The following RTN4R variants were observed in gnomAD, a reference collection of about 807,000 sequenced individuals.
The protein encoded by RTN4R is reticulon 4 receptor.
A neutral mutation model predicts 27.7 loss-of-function variants in RTN4R; 4 were observed. That is an observed-to-expected ratio of 0.14 (90% CI 0.07 to 0.33). RTN4R has a LOEUF of 0.33. RTN4R is among the 10% of genes least tolerant of loss of function. The pLI is 1.00. For missense variants in RTN4R, 554 were observed against 671.5 expected, an observed-to-expected ratio of 0.83 and a Z score of 1.93; for synonymous variants, 290 against 305.6, an observed-to-expected ratio of 0.95 and a Z score of 0.53.
intron 1 of RTN4R, among the ~76,000 whole-genome samples, chr22:20,264,418 C>T (rs543081165): frequency 1.3e-5 from 2 of 152,278 alleles, no homozygotes; most frequent in South Asian, 2.1e-4. Flanking sequence ...TGGGGTGGGG[C>T]AGCATGCCCG....
At position 20,241,436 on chromosome 22, in the gene RTN4R, C is replaced by T. The variant is rs2051104681; in HGVS notation, c.*275G>A. Reference sequence around the variant, plus strand: ...CAGCTTAAGAAAAGAGCTCTTTATTCCACGTCGTCCGATATTTTTACACAA... The same window carrying T: ...CAGCTTAAGAAAAGAGCTCTTTATTTCACGTCGTCCGATATTTTTACACAA... On this transcript the variant is annotated 3_prime_UTR_variant, in exon 2 of 2. Coordinates refer to ENST00000043402, the MANE Select transcript of RTN4R (RefSeq NM_023004.6). 1.9e-6 allele frequency: 1 copy of T among 524,432 alleles called. No individual in the cohort carries two copies. Among genetic ancestry groups the T allele is most frequent in the Non-Finnish European group, 3.4e-6 (1 of 293,280 alleles). 32.5% of individuals were successfully genotyped at this position (524,432 alleles called of 1,614,324 possible). A position where few individuals can be genotyped will look rare whatever the true frequency, so the allele number is the denominator to read the frequency against.
At chr22:20,249,220 C>G (rs2051160709) in intron 1 of RTN4R, 1 of 533,676 alleles carries the variant, frequency 1.9e-6, no homozygotes, top group Non-Finnish European at 3.8e-6. Context: ...CACTAATGAG[C>G]AAGTGACCGG....
intron 1 of RTN4R, chr22:20,249,274 C>G (rs1404954967): frequency 3.8e-6 from 2 of 519,792 alleles, no homozygotes; most frequent in African/African-American, 3.9e-5. Flanking sequence ...TGAGCCAGGT[C>G]TGGGCCCAGC....
chr22:20,245,222 G>A (rs2051133133), intron 1 of RTN4R, among the ~76,000 whole-genome samples: 1 of 152,174 alleles, frequency 6.6e-6, no homozygotes, highest in East Asian at 1.9e-4. Context: ...AGTGGGTATT[G>A]GGCGCAAAGA....
At position 20,268,181 on chromosome 22, in the gene RTN4R, C is replaced by T; in HGVS notation, c.-89G>A. The stretch of plus-strand genomic sequence containing the variant: ...CGCGGCCGGGTCCGCATCCAGGCGC[C>T]GCCGCTACGGCCCGGCCCCGGCCCG... On this transcript the variant is annotated 5_prime_UTR_variant, in exon 1 of 2. Coordinates refer to ENST00000043402, the MANE Select transcript of RTN4R (RefSeq NM_023004.6). The T allele has an allele frequency of 5.0e-6, 3 of 598,598 alleles. No homozygotes were observed. Among genetic ancestry groups the T allele is most frequent in the Non-Finnish European group, 6.6e-6 (3 of 456,326 alleles). 37.1% of individuals were successfully genotyped at this position (598,598 alleles called of 1,614,324 possible). A position where few individuals can be genotyped will look rare whatever the true frequency, so the allele number is the denominator to read the frequency against.
In RTN4R at chr22:20,242,887, G is replaced by A. The variant is rs1330218612; in HGVS notation, c.246C>T (p.Asn82=). Residue 82 remains asparagine (N), a synonymous_variant, in exon 2 of 2, where the codon AAC becomes AAT. Transcript: ENST00000043402. ...VPAASFRACR[N]LTILWLHSNV... is the part of the protein sequence containing the mutation. Reference sequence around the variant, plus strand: ...TCGAGTGCAGCCACAGGATGGTGAGGTTGCGGCAGGCACGGAAGCTGGCAG... The same window carrying A: ...TCGAGTGCAGCCACAGGATGGTGAGATTGCGGCAGGCACGGAAGCTGGCAG... The A allele has an allele frequency of 3.7e-6, 6 of 1,612,768 alleles. No individual in the cohort carries two copies. In the Middle Eastern group the frequency reaches 4.9e-4, roughly 133 times the overall value.
intron 1 of RTN4R, among the ~76,000 whole-genome samples, chr22:20,249,527 C>T (rs1051339757): frequency 6.6e-6 from 1 of 152,144 alleles, no homozygotes; most frequent in African/African-American, 2.4e-5. Context: ...TCAGGGTGCA[C>T]GAGCCAGGAG....
At position 20,242,389 on chromosome 22, in the gene RTN4R, G is replaced by T. The variant is rs771482490; in HGVS notation, c.744C>A (p.Pro248=). 5.0e-6 allele frequency: 8 copies of T among 1,613,038 alleles called. No individual in the cohort carries two copies. Among genetic ancestry groups the T allele is most frequent in the South Asian group, 1.1e-5 (1 of 91,092 alleles). ...LSALPTEALA[P]LRALQYLRLN... ...GCCTCAGGTACTGCAGGGCACGCAG[G>T]GGGGCCAGGGCCTCAGTGGGCAGCG... is the stretch of plus-strand genomic sequence containing the variant. The change falls in exon 2 of 2, where the codon CCC becomes CCA. Residue 248 remains proline (P), a synonymous_variant. Transcript: ENST00000043402.
In RTN4R at chr22:20,241,620, G is replaced by T; in HGVS notation, c.*91C>A. 1 of 1,454,218 alleles carries T rather than the reference G, an allele frequency of 6.9e-7. No individual in the cohort carries two copies. The highest frequency in any genetic ancestry group is 9.4e-7 in the Non-Finnish European group (1 of 1,066,548). 90.1% of individuals were successfully genotyped at this position (1,454,218 alleles called of 1,614,324 possible). A position where few individuals can be genotyped will look rare whatever the true frequency, so the allele number is the denominator to read the frequency against. ...AGGACCTGGCCTGGCCTGCCCCACG[G>T]GTCGGCCGCCCGGCTGGCTTGGCGG... On this transcript the variant is annotated 3_prime_UTR_variant, in exon 2 of 2. Coordinates refer to ENST00000043402, the MANE Select transcript of RTN4R (RefSeq NM_023004.6).
At chr22:20,264,676 G>A (rs190549353) in intron 1 of RTN4R, among the ~76,000 whole-genome samples, 1 of 152,338 alleles carries the variant, frequency 6.6e-6, no homozygotes, top group Admixed American at 6.5e-5. Context: ...GGTGCAGCCA[G>A]ACCGCAGAGC....
intron 1 of RTN4R, among the ~76,000 whole-genome samples, chr22:20,247,662 C>T (rs1052949811): frequency 1.3e-5 from 2 of 152,180 alleles, no homozygotes; most frequent in African/African-American, 2.4e-5. Context: ...GCAGTCTGCC[C>T]TTGAGGGGTC....
In RTN4R at chr22:20,255,893, G is replaced by A. The variant is rs1569039944; in HGVS notation, c.22+12178C>T. Reference sequence around the variant, plus strand: ...CAGCTGCTATGAGAGCCCCCAATGCGTCTCCACAACCAAACCGAGGCACGC... The same window carrying A: ...CAGCTGCTATGAGAGCCCCCAATGCATCTCCACAACCAAACCGAGGCACGC... On this transcript the variant is annotated intron_variant, in intron 1 of 1. Coordinates refer to ENST00000043402, the MANE Select transcript of RTN4R (RefSeq NM_023004.6). This position sits in a 1 kb window ranked among gnomAD's most constrained non-coding sequence, Gnocchi z 4.8. 6.6e-6 allele frequency among the ~76,000 whole-genome samples: 1 copy of A among 152,230 alleles called. No homozygotes were observed. The highest frequency in any genetic ancestry group is 1.5e-5 in the Non-Finnish European group (1 of 68,046).
In RTN4R at chr22:20,268,308, C is replaced by G. The variant is rs2051293030; in HGVS notation, c.-216G>C. 0.033 allele frequency: 30 copies of G among 906 alleles called. 1 individual carries two copies. Among genetic ancestry groups the G allele is most frequent in the Non-Finnish European group, 0.046 (22 of 480 alleles). The allele number at this position is 906 out of a possible 1,614,324, so 0.1% of individuals were successfully genotyped here. On this transcript the variant is annotated 5_prime_UTR_variant, in exon 1 of 2. Coordinates refer to ENST00000043402, the MANE Select transcript of RTN4R (RefSeq NM_023004.6). Reference sequence around the variant, plus strand: ...AGGGCGCACAGGGCGAGGGCGGCGGCGGCGCGGGGGTTGGGGCGTGGGCGG... The same window carrying G: ...AGGGCGCACAGGGCGAGGGCGGCGGGGGCGCGGGGGTTGGGGCGTGGGCGG...
chr22:20,267,967 C>T (rs1408290030), intron 1 of RTN4R, 104 bp downstream of exon 1: 2 of 641,682 alleles, frequency 3.1e-6, no homozygotes, highest in African/African-American at 2.0e-5. Flanking sequence ...ACGCTTCCCT[C>T]GCCTCGGCAG....
chr22:20,262,299 G>A (rs1249498512), intron 1 of RTN4R, among the ~76,000 whole-genome samples: 1 of 152,134 alleles, frequency 6.6e-6, no homozygotes, highest in Admixed American at 6.5e-5. Flanking sequence ...GCACTAGGGA[G>A]CCTGAACCCC....
At chr22:20,259,225 A>G (rs1041219289) in intron 1 of RTN4R, among the ~76,000 whole-genome samples, 1 of 152,172 alleles carries the variant, frequency 6.6e-6, no homozygotes, top group Non-Finnish European at 1.5e-5. Context: ...CGGGTGAAGA[A>G]TGGACTCCAT....
rs777454270 is a variant in RTN4R, at chr22:20,241,825, G to T, written c.1308C>A (p.Ser436Arg). The T allele has an allele frequency of 8.8e-6, 14 of 1,597,204 alleles. No homozygotes were observed. The highest frequency in any genetic ancestry group is 1.1e-5 in the Non-Finnish European group (13 of 1,172,900). Residue 436 changes from serine to arginine, a missense_variant, in exon 2 of 2, where the codon AGC becomes AGA. Around this residue, in one of 2 missense-constraint regions of RTN4R, gnomAD observed 141 missense variants for 129.2 expected, o/e 1.09. Transcript: ENST00000043402. ...RSHCRLGQAG[S>R]GGGGTGDSEG... ...CTGAGTCACCAGTCCCGCCACCCCCGCTGCCTGCCTGGCCCAGACGGCAGT... is the reference window on the plus strand; with the variant it reads ...CTGAGTCACCAGTCCCGCCACCCCCTCTGCCTGCCTGGCCCAGACGGCAGT...
chr22:20,248,666 G>A (rs1246861540), intron 1 of RTN4R, among the ~76,000 whole-genome samples: 5 of 152,170 alleles, frequency 3.3e-5, no homozygotes, highest in Non-Finnish European at 7.4e-5. Flanking sequence ...CACGGTCCAG[G>A]GCCAGCTGAC....
At chr22:20,245,681 TTC>T (rs2051136377) in intron 1 of RTN4R, among the ~76,000 whole-genome samples, 1 of 152,128 alleles carries the variant, frequency 6.6e-6, no homozygotes, top group Non-Finnish European at 1.5e-5. Flanking sequence ...TCGCCCACCT[TTC>T]TCTCTCCTCT....
Sources: allele counts gnomAD v4.1 joint callset (sites outside exome capture counted in the v4.1 genomes callset), GRCh38; gene constraint gnomAD v4.1.1; regional missense constraint gnomAD v4.1.1; non-coding constraint Gnocchi (gnomAD v3.1); transcripts MANE v1.5; gene names NCBI Gene and HGNC (gene_info 2026-07-23, HGNC 2026-07-21).